Variants in TBC1D5 observed in about 807,000 individuals in gnomAD.
TBC1D5 encodes the protein TBC1 domain family, member 5.
A neutral mutation model predicts 100.3 loss-of-function variants in TBC1D5; 75 were observed. The ratio of observed to expected loss-of-function variants is 0.75; its 90% confidence interval spans 0.62 to 0.91. The LOEUF (loss-of-function observed/expected upper bound fraction) is 0.91, where lower values mean the gene tolerates loss of function less well. TBC1D5 is among the 40% of genes least tolerant of loss of function. The probability of loss-of-function intolerance (pLI) is 0.00; values close to 1 mark genes in which losing one functional copy is unlikely to be tolerated. For missense variants in TBC1D5, 910 were observed against 942.4 expected (o/e 0.97, Z 0.45); for synonymous variants, 323 against 325.6 (o/e 0.99, Z 0.09).
intron 13 of TBC1D5, among the ~76,000 whole-genome samples, chr3:17,350,560 A>C (rs2090448835): frequency 6.6e-6 from 1 of 152,198 alleles, no homozygotes; most frequent in African/African-American, 2.4e-5. Context: ...TCATGTGCTA[A>C]CGTTGCTCAG....
intron 1 of TBC1D5, among the ~76,000 whole-genome samples, chr3:17,688,790 A>G (rs10510478): frequency 0.5 from 76,073 of 152,066 alleles, 20,569 homozygotes; most frequent in East Asian, 0.94. Flanking sequence ...GGAACTAATC[A>G]TTTGTCCTTC....
intron 1 of TBC1D5, among the ~76,000 whole-genome samples, chr3:17,653,699 T>C (rs571675186): frequency 1.6e-4 from 25 of 152,296 alleles, no homozygotes; most frequent in African/African-American, 5.8e-4. Flanking sequence ...AGTACTATAC[T>C]AACGTTAACT....
At chr3:17,668,459 A>G (rs1306420549) in intron 1 of TBC1D5, among the ~76,000 whole-genome samples, 1 of 152,130 alleles carries the variant, frequency 6.6e-6, no homozygotes, top group Non-Finnish European at 1.5e-5. Flanking sequence ...CTTGAGGTGT[A>G]TAACAAGCTA....
At chr3:17,649,664 G>A (rs2065347933) in intron 1 of TBC1D5, among the ~76,000 whole-genome samples, 1 of 152,132 alleles carries the variant, frequency 6.6e-6, no homozygotes, top group South Asian at 2.1e-4. Context: ...AGAGGATGTG[G>A]AGAAATAGGA....
At chr3:17,435,836 T>A (rs2094525599) in intron 3 of TBC1D5, among the ~76,000 whole-genome samples, 1 of 152,144 alleles carries the variant, frequency 6.6e-6, no homozygotes, top group Admixed American at 6.5e-5. Context: ...TAGAAGGCCG[T>A]GTGTGTGCCT....
At chr3:17,617,895 T>C (rs904941409) in intron 2 of TBC1D5, among the ~76,000 whole-genome samples, 7 of 152,230 alleles carry the variant, frequency 4.6e-5, no homozygotes, top group Non-Finnish European at 1.0e-4. Context: ...TGAAGCCTAC[T>C]TCTGTCAACT....
At chr3:17,327,459 A>T (rs1446542354) in intron 13 of TBC1D5, among the ~76,000 whole-genome samples, 1 of 152,096 alleles carries the variant, frequency 6.6e-6, no homozygotes, top group Non-Finnish European at 1.5e-5. Context: ...CTTTGACCTC[A>T]TTTCCTACAG....
chr3:17,647,305 A>C (rs750104944), intron 1 of TBC1D5, among the ~76,000 whole-genome samples: 4 of 152,180 alleles, frequency 2.6e-5, no homozygotes, highest in Non-Finnish European at 5.9e-5. Flanking sequence ...ACAAGCTTAC[A>C]TTCTAAAGAC....
chr3:17,633,718 T>C (rs1193569827), intron 1 of TBC1D5, among the ~76,000 whole-genome samples: 5 of 152,106 alleles, frequency 3.3e-5, no homozygotes, highest in Non-Finnish European at 7.4e-5. Context: ...ATATAAATGC[T>C]TTTTTAAAAA....
At chr3:17,582,682 T>TC (rs1406915257) in intron 2 of TBC1D5, among the ~76,000 whole-genome samples, 3 of 117,420 alleles carry the variant, frequency 2.6e-5, no homozygotes, top group Admixed American at 9.0e-5. Context: ...TAGTATGCTA[T>TC]CAAAAAAAAA....
intron 18 of TBC1D5, among the ~76,000 whole-genome samples, chr3:17,203,601 G>C (rs1461240508): frequency 6.6e-6 from 1 of 152,106 alleles, no homozygotes; most frequent in African/African-American, 2.4e-5. Context: ...CCTGGTGGGA[G>C]GTGACTGGAT....
At chr3:17,543,832 C>G (rs1368589972) in intron 2 of TBC1D5, among the ~76,000 whole-genome samples, 2 of 151,728 alleles carry the variant, frequency 1.3e-5, no homozygotes, top group African/African-American at 4.8e-5. Context: ...ATTTCTGATT[C>G]AATAGAGCTT....
chr3:17,227,577 C>G (rs2148811677), intron 17 of TBC1D5, among the ~76,000 whole-genome samples: 1 of 152,152 alleles, frequency 6.6e-6, no homozygotes, highest in South Asian at 2.1e-4. Flanking sequence ...GGGCCATTAT[C>G]TTTAGCAAAC....
At chr3:17,715,119 A>G (rs1560538762) in intron 1 of TBC1D5, among the ~76,000 whole-genome samples, 1 of 152,360 alleles carries the variant, frequency 6.6e-6, no homozygotes, top group East Asian at 1.9e-4. Flanking sequence ...TGAGTATTTT[A>G]AAAGATATAT....
At chr3:17,629,769 T>G (rs1057002709) in intron 1 of TBC1D5, among the ~76,000 whole-genome samples, 1 of 152,130 alleles carries the variant, frequency 6.6e-6, no homozygotes, top group Non-Finnish European at 1.5e-5. Context: ...GGGGCCTGGG[T>G]CCTGCAATCA....
At chr3:17,350,632 CA>C (rs748628957) in intron 13 of TBC1D5, among the ~76,000 whole-genome samples, 2 of 152,068 alleles carry the variant, frequency 1.3e-5, no homozygotes, top group Non-Finnish European at 2.9e-5. Flanking sequence ...TTTGCATTAA[CA>C]AATCATCATT....
At chr3:17,442,654 C>CT in intron 3 of TBC1D5, among the ~76,000 whole-genome samples, 1 of 152,308 alleles carries the variant, frequency 6.6e-6, no homozygotes, top group South Asian at 2.1e-4. Context: ...ACAACAAAAG[C>CT]TTTGAGAACG....
intron 10 of TBC1D5, among the ~76,000 whole-genome samples, chr3:17,375,109 C>A (rs981647697): frequency 5.9e-5 from 9 of 152,128 alleles, no homozygotes; most frequent in African/African-American, 2.2e-4. Flanking sequence ...TCAGTGACAA[C>A]ACCTCTTAAG....
chr3:17,394,813 G>GAT (rs1421119003), intron 8 of TBC1D5, among the ~76,000 whole-genome samples: 11 of 152,020 alleles, frequency 7.2e-5, no homozygotes, highest in Admixed American at 7.2e-4. Flanking sequence ...GGGCGCTAGG[G>GAT]ATATGAAGGC....
Sources: gnomAD v4.1 joint callset for allele counts (sites outside exome capture counted in the v4.1 genomes callset) on GRCh38, gnomAD v4.1.1 for gene constraint, MANE v1.5 for transcripts, NCBI Gene and HGNC (gene_info 2026-07-23, HGNC 2026-07-21) for gene names.